NLRC5: variants seen among roughly 807,000 people sequenced by gnomAD.
The protein encoded by NLRC5 is protein NLRC5.
Under a neutral mutation model 206.9 loss-of-function variants are expected in NLRC5, and 114 were observed. That is an observed-to-expected ratio of 0.55 (90% confidence interval 0.47 to 0.64). The LOEUF is 0.64. Ranked by LOEUF, NLRC5 falls within the 30% of genes least tolerant of loss-of-function variation. The pLI is 0.00. For synonymous variants in NLRC5, 952 were observed against 962.8 expected, an observed-to-expected ratio of 0.99 and a Z score of 0.21; for missense variants, 2,008 against 2,305.5, an observed-to-expected ratio of 0.87 and a Z score of 2.64.
intron 39 of NLRC5, among the ~76,000 whole-genome samples, chr16:57,075,205 CT>C (rs1193891151): frequency 2.6e-5 from 4 of 151,792 alleles, no homozygotes; most frequent in African/African-American, 9.7e-5. Flanking sequence ...TGCACCCAAA[CT>C]TAGCATTTCT....
At chr16:57,044,344 A>C (rs2063675756) in intron 20 of NLRC5, among the ~76,000 whole-genome samples, 1 of 151,790 alleles carries the variant, frequency 6.6e-6, no homozygotes, top group Non-Finnish European at 1.5e-5. Flanking sequence ...GGAGCTTCCT[A>C]GTTGCCACTG....
chr16:57,026,276 G>C lies in NLRC5; in HGVS notation c.1333G>C (p.Ala445Pro). The C allele has an allele frequency of 6.2e-7, 1 of 1,613,988 alleles. No homozygotes were observed. The highest frequency in any genetic ancestry group is 8.5e-7 in the Non-Finnish European group (1 of 1,180,038). ...TCAGCTCTATATGCAGATGGTGCTC[G>C]CCCTCAGCCCCCCTGGGCACTTGCC... ...MTQLYMQMVLALSPPGHLPTS... is the reference protein window; with the variant it reads ...MTQLYMQMVLPLSPPGHLPTS... The change falls in exon 6 of 49, where the codon GCC (alanine) becomes CCC (proline). Residue 445 changes from alanine (A) to proline (P), a missense_variant. Physicochemically the swap from Ala to Pro is conservative, Grantham distance 27 (BLOSUM62 -1). Coordinates refer to ENST00000688547, the MANE Select transcript of NLRC5 (RefSeq NM_001384950.1).
At chr16:57,031,254 T>A (rs189331654) in intron 10 of NLRC5, 150 bp from the exon 11 acceptor site, 1 of 737,688 alleles carries the variant, frequency 1.4e-6, no homozygotes, top group East Asian at 2.6e-5. Flanking sequence ...TTTAAAACAC[T>A]TTTGCTAGTT....
At chr16:57,082,149 G>A (rs1288040857) in intron 48 of NLRC5, among the ~76,000 whole-genome samples, 3 of 152,204 alleles carry the variant, frequency 2.0e-5, no homozygotes, top group Admixed American at 6.5e-5. Flanking sequence ...AAGAAAGAGG[G>A]TCTTTTCCTT....
At chr16:57,028,013 A>T in intron 6 of NLRC5, 59 bp from the exon 7 acceptor site, 1 of 1,227,032 alleles carries the variant, frequency 8.1e-7, no homozygotes, top group Non-Finnish European at 1.2e-6. Flanking sequence ...GGGGATGGCG[A>T]TGACTTCTCA....
In NLRC5 at chr16:57,054,847, AT is replaced by A; in HGVS notation, c.3596+9del. ...TTAAAAAGGTGGATCTCAGGTGGGC[AT>A]TCCCCTGGGACAGCCAGGACTCGTC... On this transcript the variant is annotated splice_region_variant and intron_variant, in intron 25 of 48. Transcript: ENST00000688547. 1 of 1,613,648 alleles carries A rather than the reference AT, an allele frequency of 6.2e-7. No individual in the cohort carries two copies. The highest frequency in any genetic ancestry group is 8.5e-7 in the Non-Finnish European group (1 of 1,179,486).
At chr16:57,001,861 GT>G (rs1483560270) in intron 1 of NLRC5, among the ~76,000 whole-genome samples, 1 of 151,978 alleles carries the variant, frequency 6.6e-6, no homozygotes, top group African/African-American at 2.4e-5. Flanking sequence ...ACTATTTTTT[GT>G]ACCCACTAAC....
intron 1 of NLRC5, among the ~76,000 whole-genome samples, chr16:57,003,232 T>C (rs1242554224): frequency 1.3e-5 from 2 of 152,052 alleles, no homozygotes; most frequent in African/African-American, 4.8e-5. Context: ...TTATTTTAAG[T>C]AGAGACGAGG....
chr16:57,020,837 A>G lies in NLRC5; in HGVS notation c.125A>G (p.Asp42Gly). ...MKFFLPNTDL[D>G]SRNETLDPEQ... The stretch of plus-strand genomic sequence containing the variant: ...TTCTTCCTCCCCAACACGGACCTGG[A>G]TTCCAGGAACGAGACCTTGGACCCT... Residue 42 changes from aspartate (D) to glycine (G), a missense_variant, in exon 3 of 49, where the codon GAT becomes GGT. By Grantham distance (94) the Asp-to-Gly change is moderately conservative. Transcript: ENST00000688547. The G allele has an allele frequency of 6.2e-7, 1 of 1,613,614 alleles. No individual in the cohort carries two copies. Among genetic ancestry groups the G allele is most frequent in the Non-Finnish European group, 8.5e-7 (1 of 1,179,926 alleles).
intron 37 of NLRC5, 51 bp from the exon 38 acceptor site, chr16:57,070,484 C>T: frequency 6.5e-7 from 1 of 1,539,512 alleles, no homozygotes; most frequent in Non-Finnish European, 9.0e-7. Flanking sequence ...CAGCTCAGCT[C>T]CAGGGCTGGG....
In NLRC5 at chr16:57,042,029, A is replaced by T; in HGVS notation, c.3077A>T (p.Gln1026Leu). The T allele has an allele frequency of 3.8e-6, 6 of 1,572,722 alleles. No homozygotes were observed. Among genetic ancestry groups the T allele is most frequent in the Non-Finnish European group, 5.2e-6 (6 of 1,163,256 alleles). Residue 1026 changes from glutamine to leucine, a missense_variant, in exon 19 of 49, where the codon CAG becomes CTG. Transcript: ENST00000688547. ...LGDEGAARLA[Q>L]LLPGLGALQS... The stretch of plus-strand genomic sequence containing the variant: ...GATGAAGGTGCAGCCCGGCTGGCTC[A>T]GCTGCTCCCAGGGCTGGGAGCTCTG...
chr16:57,059,103 C>T, intron 29 of NLRC5, 42 bp downstream of exon 29: 1 of 1,612,984 alleles, frequency 6.2e-7, no homozygotes, highest in Middle Eastern at 1.9e-4. Flanking sequence ...TTCTGCTGGC[C>T]AACAGGTGCC....
At chr16:57,022,538 C>T (rs542835674) in intron 4 of NLRC5, among the ~76,000 whole-genome samples, 15 of 152,240 alleles carry the variant, frequency 9.9e-5, no homozygotes, top group Admixed American at 5.9e-4. Flanking sequence ...TAGCTTGTCC[C>T]GTTACCAATT....
At chr16:57,029,330 C>T (rs938191019) in intron 8 of NLRC5, among the ~76,000 whole-genome samples, 9 of 152,142 alleles carry the variant, frequency 5.9e-5, no homozygotes, top group African/African-American at 2.2e-4. Context: ...AAAGTGAGGT[C>T]AGAGAGGAAT....
intron 36 of NLRC5, 46 bp from the exon 37 acceptor site, chr16:57,069,789 AC>A: frequency 6.6e-7 from 1 of 1,516,666 alleles, no homozygotes. Flanking sequence ...AGCTCCCAAG[AC>A]CCAGGGCGGC....
intron 20 of NLRC5, among the ~76,000 whole-genome samples, chr16:57,045,129 C>T (rs1364648569): frequency 2.0e-5 from 3 of 151,912 alleles, no homozygotes; most frequent in Admixed American, 6.6e-5. Flanking sequence ...CAGTTGAGCC[C>T]GGGGAAGGTT....
intron 1 of NLRC5, among the ~76,000 whole-genome samples, chr16:57,006,204 A>T (rs184704382): frequency 3.3e-5 from 5 of 151,806 alleles, no homozygotes; most frequent in Non-Finnish European, 5.9e-5. Context: ...TTGCCATGTT[A>T]CCCAGGCTCG....
At position 57,047,575 on chromosome 16, in the gene NLRC5, C is replaced by A. The variant is rs1296531015; in HGVS notation, c.3369C>A (p.Ser1123Arg). 2.5e-6 allele frequency: 4 copies of A among 1,612,200 alleles called. No individual in the cohort carries two copies. Among genetic ancestry groups the A allele is most frequent in the African/African-American group, 1.3e-5 (1 of 74,850 alleles). ...CLSECPLEPP[S>R]LTRLCATLKD... Reference sequence around the variant, plus strand: ...GTGAGTGTCCTCTGGAGCCCCCAAGCCTCACCCGCCTCTGTGCCACTCTGA... The same window carrying A: ...GTGAGTGTCCTCTGGAGCCCCCAAGACTCACCCGCCTCTGTGCCACTCTGA... Residue 1123 changes from serine (S) to arginine (R), a missense_variant, in exon 23 of 49, where the codon AGC (serine) becomes AGA (arginine). Coordinates refer to ENST00000688547, the MANE Select transcript of NLRC5 (RefSeq NM_001384950.1).
At chr16:57,011,211 G>A (rs1387614750) in intron 1 of NLRC5, among the ~76,000 whole-genome samples, 3 of 151,476 alleles carry the variant, frequency 2.0e-5, no homozygotes, top group Non-Finnish European at 2.9e-5. Flanking sequence ...TCAGGAGTTC[G>A]AGACCAACCT....
Sources: allele counts gnomAD v4.1 joint callset (sites outside exome capture counted in the v4.1 genomes callset), GRCh38; gene constraint gnomAD v4.1.1; transcripts MANE v1.5; gene names NCBI Gene and HGNC (gene_info 2026-07-23, HGNC 2026-07-21).